Variants in ESRRG observed in about 807,000 individuals in gnomAD.
ESRRG encodes the protein estrogen related receptor gamma, also known as estrogen-related receptor gamma.
Under a neutral mutation model 44.0 loss-of-function variants are expected in ESRRG, and 13 were observed. The ratio of observed to expected loss-of-function variants is 0.30; its 90% confidence interval spans 0.19 to 0.47. ESRRG has a LOEUF of 0.47. Ranked by LOEUF, ESRRG falls within the 20% of genes least tolerant of loss-of-function variation. The pLI, the probability that ESRRG is intolerant of heterozygous loss-of-function variation, is 1.00. For synonymous variants in ESRRG, 215 were observed against 214.6 expected (o/e 1.00, Z -0.02); for missense variants, 395 against 580.6 (o/e 0.68, Z 3.29).
intron 1 of ESRRG, among the ~76,000 whole-genome samples, chr1:217,134,103 G>C (rs2093013451): frequency 6.6e-6 from 1 of 152,082 alleles, no homozygotes; most frequent in South Asian, 2.1e-4. Context: ...GGGCGCCCCG[G>C]GTCCTGTCTG....
At chr1:216,563,968 C>T (rs1054585024) in intron 5 of ESRRG, among the ~76,000 whole-genome samples, 2 of 152,210 alleles carry the variant, frequency 1.3e-5, no homozygotes, top group Admixed American at 6.5e-5. Context: ...TTTATATTCT[C>T]GTTAGCTTAC....
chr1:217,018,165 T>C (rs2079720105), intron 1 of ESRRG, among the ~76,000 whole-genome samples: 1 of 152,174 alleles, frequency 6.6e-6, no homozygotes, highest in Non-Finnish European at 1.5e-5. Context: ...CTGTTCTGCA[T>C]CTCAACTATT....
Position 217,080,194 on chromosome 1 carries a change from C to T in ESRRG, c.-106+9313G>A, listed in dbSNP as rs17689387. Among the ~76,000 whole-genome samples, 80 of 152,166 alleles carry T rather than the reference C, an allele frequency of 5.3e-4. No individual in the cohort carries two copies. In the East Asian group the frequency reaches 9.4e-3, roughly 18 times the overall value. On this transcript the variant is annotated intron_variant, in intron 1 of 7. Transcript: ENST00000359162. Reference sequence around the variant, plus strand: ...AATGCACTTCCCTGCAGGTAGCATACGTCCCTTAAAGAGAGGTACTATATG... The same window carrying T: ...AATGCACTTCCCTGCAGGTAGCATATGTCCCTTAAAGAGAGGTACTATATG...
At chr1:217,062,464 C>A (rs1440913495) in intron 1 of ESRRG, among the ~76,000 whole-genome samples, 1 of 152,092 alleles carries the variant, frequency 6.6e-6, no homozygotes, top group Non-Finnish European at 1.5e-5. Context: ...TTTGAGTAAT[C>A]CTGTCTCTTT....
chr1:216,674,909 G>A lies in ESRRG; in HGVS notation c.472+2167C>T, dbSNP rs543575706. 2.6e-5 allele frequency among the ~76,000 whole-genome samples: 4 copies of A among 151,242 alleles called. No homozygotes were observed. In the South Asian group the frequency reaches 8.6e-4, roughly 33 times the overall value. ...ATTACAGGCATGAGCCACTGCACCT[G>A]ACTAAGTAAACATTTTGATTGTGTT... On this transcript the variant is annotated intron_variant, in intron 2 of 6. Coordinates refer to ENST00000408911, the MANE Select transcript of ESRRG (RefSeq NM_001438.4).
At chr1:216,969,296 T>C (rs1175048648) in intron 1 of ESRRG, among the ~76,000 whole-genome samples, 1 of 152,196 alleles carries the variant, frequency 6.6e-6, no homozygotes, top group African/African-American at 2.4e-5. Context: ...GGAGAGATAT[T>C]CTTTAAGTAT....
intron 1 of ESRRG, chr1:217,078,177 C>T (rs1016788034): frequency 5.9e-5 from 9 of 152,232 alleles, no homozygotes; most frequent in African/African-American, 2.2e-4. Flanking sequence ...GTTTCAAGGA[C>T]AAATGTCTTA....
intron 1 of ESRRG, among the ~76,000 whole-genome samples, chr1:216,708,633 A>T (rs1175098654): frequency 6.6e-6 from 1 of 152,242 alleles, no homozygotes; most frequent in Non-Finnish European, 1.5e-5. Context: ...AAATTAGTTC[A>T]ACCACTGTGG....
At chr1:216,661,003 T>C (rs753648970) in intron 2 of ESRRG, among the ~76,000 whole-genome samples, 3 of 152,174 alleles carry the variant, frequency 2.0e-5, no homozygotes, top group Non-Finnish European at 2.9e-5. Context: ...GGGTGTGTTC[T>C]GAAATACATT....
intron 5 of ESRRG, among the ~76,000 whole-genome samples, chr1:216,521,178 C>T (rs974901763): frequency 2.0e-5 from 3 of 152,042 alleles, no homozygotes; most frequent in Non-Finnish European, 4.4e-5. Flanking sequence ...TTTGTCATTG[C>T]ATTTGGGGTT....
intron 2 of ESRRG, among the ~76,000 whole-genome samples, chr1:216,742,814 G>A (rs1396671357): frequency 6.6e-6 from 1 of 152,052 alleles, no homozygotes; most frequent in Middle Eastern, 3.2e-3. Context: ...AAGTAAAAAT[G>A]TTGAATTCAC....
chr1:216,690,005 A>C (rs1388442884), intron 1 of ESRRG, among the ~76,000 whole-genome samples: 1 of 152,114 alleles, frequency 6.6e-6, no homozygotes, highest in Non-Finnish European at 1.5e-5. Flanking sequence ...ACTGAAAATC[A>C]CATATGTTGC....
intron 2 of ESRRG, among the ~76,000 whole-genome samples, chr1:216,860,391 A>G (rs2096029652): frequency 6.6e-6 from 1 of 152,178 alleles, no homozygotes; most frequent in Admixed American, 6.6e-5. Flanking sequence ...AAGCCTACAG[A>G]TTAGTGAAGC....
At chr1:216,905,601 G>A (rs984536121) in intron 2 of ESRRG, among the ~76,000 whole-genome samples, 60 of 152,174 alleles carry the variant, frequency 3.9e-4, no homozygotes, top group African/African-American at 1.4e-3. Flanking sequence ...ATTGAGGTCT[G>A]TGAGTGCTGG....
chr1:216,907,045 G>A (rs17658218), intron 2 of ESRRG, among the ~76,000 whole-genome samples: 2,418 of 152,282 alleles, frequency 0.016, 29 homozygotes, highest in Non-Finnish European at 0.023. Context: ...CACTGAAAAA[G>A]TTGGGGTAGG....
At chr1:216,807,535 G>A (rs1200230333) in intron 2 of ESRRG, among the ~76,000 whole-genome samples, 1 of 151,972 alleles carries the variant, frequency 6.6e-6, no homozygotes, top group African/African-American at 2.4e-5. Context: ...TTAAATAAAG[G>A]GGGCAATGTT....
intron 2 of ESRRG, among the ~76,000 whole-genome samples, chr1:216,875,077 G>A (rs11572546): frequency 2.6e-5 from 4 of 152,172 alleles, no homozygotes; most frequent in Non-Finnish European, 4.4e-5. Flanking sequence ...CAGATGGCCA[G>A]TGGTGGGACT....
chr1:216,513,781 T>C (rs1291281317), intron 6 of ESRRG, among the ~76,000 whole-genome samples: 1 of 152,154 alleles, frequency 6.6e-6, no homozygotes, highest in Non-Finnish European at 1.5e-5. Context: ...CTCCATATCT[T>C]ACACTTTTCC....
At chr1:217,062,284 T>A (rs2088688826) in intron 1 of ESRRG, among the ~76,000 whole-genome samples, 1 of 152,164 alleles carries the variant, frequency 6.6e-6, no homozygotes, top group African/African-American at 2.4e-5. Flanking sequence ...ATGACCATGT[T>A]TTAAAAGCAA....
Sources: gnomAD v4.1 joint callset for allele counts (sites outside exome capture counted in the v4.1 genomes callset) on GRCh38, gnomAD v4.1.1 for gene constraint, MANE v1.5 for transcripts, NCBI Gene and HGNC (gene_info 2026-07-23, HGNC 2026-07-21) for gene names.